ZNF208: variants seen among roughly 807,000 people sequenced by gnomAD.
The protein encoded by ZNF208 is zinc finger protein 95.
In ZNF208, 10 loss-of-function variants were observed where a neutral mutation model predicts 12.1. The observed-to-expected ratio is 0.83, with a 90% CI of 0.51 to 1.40. ZNF208 has a LOEUF of 1.40. Ranked by LOEUF, ZNF208 falls within the 40% of genes most tolerant of loss-of-function variation. ZNF208 has a pLI of 0.00. For missense variants in ZNF208, 1,652 were observed against 1,485.0 expected, an observed-to-expected ratio of 1.11 and a Z score of -1.85; for synonymous variants, 497 against 488.4, an observed-to-expected ratio of 1.02 and a Z score of -0.23.
chr19:21,949,046 C>A (rs1248666413), intron 4 of ZNF208, among the ~76,000 whole-genome samples: 1 of 152,134 alleles, frequency 6.6e-6, no homozygotes, highest in Admixed American at 6.5e-5. Context: ...AAATCAGAAA[C>A]CAGATAAAAA....
At chr19:21,939,849 A>G (rs1329805215) in intron 4 of ZNF208, 1 of 152,242 alleles carries the variant, frequency 6.6e-6, no homozygotes, top group Non-Finnish European at 1.5e-5. Context: ...CATTGCATCC[A>G]TGGTTTCAGC....
chr19:21,999,494 C>T (rs1970902687), intron 1 of ZNF208, among the ~76,000 whole-genome samples: 2 of 152,110 alleles, frequency 1.3e-5, no homozygotes, highest in Admixed American at 1.3e-4. Flanking sequence ...AGTATGTCAG[C>T]CAGCAAATAA....
At chr19:21,950,228 A>AT (rs898883889) in intron 4 of ZNF208, among the ~76,000 whole-genome samples, 2 of 151,980 alleles carry the variant, frequency 1.3e-5, no homozygotes, top group African/African-American at 2.4e-5. Flanking sequence ...CTGGAAGAGG[A>AT]TTTTTTCTCA....
At chr19:21,991,195 G>A (rs1970726774) in intron 1 of ZNF208, among the ~76,000 whole-genome samples, 1 of 152,066 alleles carries the variant, frequency 6.6e-6, no homozygotes, top group Non-Finnish European at 1.5e-5. Context: ...GTTTTCAAAG[G>A]GAATGCTTCC....
intron 4 of ZNF208, among the ~76,000 whole-genome samples, chr19:21,947,041 A>G (rs1387572330): frequency 1.3e-5 from 2 of 149,140 alleles, no homozygotes; most frequent in African/African-American, 5.0e-5. Flanking sequence ...GAATGTTTTT[A>G]CAGCCTATGG....
chr19:21,958,066 A>C (rs1239770075), intron 4 of ZNF208, among the ~76,000 whole-genome samples: 1 of 151,640 alleles, frequency 6.6e-6, no homozygotes, highest in Non-Finnish European at 1.5e-5. Flanking sequence ...ATTCCCACCT[A>C]TGAGTGAGAA....
intron 1 of ZNF208, among the ~76,000 whole-genome samples, chr19:22,003,122 T>C (rs112250971): frequency 1.5e-3 from 232 of 152,218 alleles, no homozygotes; most frequent in African/African-American, 5.4e-3. Flanking sequence ...TAAATGGTGC[T>C]AGAATAACTA....
At chr19:21,991,467 A>T (rs1384186099) in intron 1 of ZNF208, 1 of 152,222 alleles carries the variant, frequency 6.6e-6, no homozygotes, top group Non-Finnish European at 1.5e-5. Context: ...TGTGCCAGGC[A>T]TGGTGGCTTA....
chr19:21,956,605 G>A (rs1295123293), intron 4 of ZNF208, among the ~76,000 whole-genome samples: 1 of 152,222 alleles, frequency 6.6e-6, no homozygotes, highest in Non-Finnish European at 1.5e-5. Context: ...CTAGCAGTGA[G>A]TAAGGCTCCT....
chr19:21,984,732 A>C (rs1364763635), intron 3 of ZNF208, among the ~76,000 whole-genome samples: 2 of 152,192 alleles, frequency 1.3e-5, no homozygotes, highest in Admixed American at 6.6e-5. Flanking sequence ...GAAAAAATAG[A>C]AACTGCAACC....
chr19:21,983,329 G>A (rs1333005818), intron 3 of ZNF208, among the ~76,000 whole-genome samples: 1 of 150,972 alleles, frequency 6.6e-6, no homozygotes, highest in Non-Finnish European at 1.5e-5. Context: ...CAGTTAGAAC[G>A]GCGATCATTG....
At position 21,973,232 on chromosome 19, in the gene ZNF208, C is replaced by G. The variant is rs1274331979; in HGVS notation, c.1802G>C (p.Arg601Thr). Reference protein sequence around the residue: ...NQSAILIKHKRIHTGEKPYKC... With the variant: ...NQSAILIKHKTIHTGEKPYKC... ...GTAGGGTTTCTCACCAGTATGAATT[C>G]TCTTATGTTTAATAAGAATTGCAGA... The change falls in exon 4 of 4, where the codon AGA becomes ACA. Residue 601 changes from arginine to threonine, a missense_variant. By Grantham distance (71) the Arg-to-Thr change is moderately conservative. Around this residue, in one of 3 missense-constraint regions of ZNF208, gnomAD observed 1,239 missense variants for 1,086.2 expected, o/e 1.14. Transcript: ENST00000397126. 5.0e-6 allele frequency: 8 copies of G among 1,612,024 alleles called. No homozygotes were observed. Among genetic ancestry groups the G allele is most frequent in the Non-Finnish European group, 6.8e-6 (8 of 1,179,566 alleles).
rs763924394 is a variant in ZNF208 at position 21,972,800 on chromosome 19, C to A, written c.2234G>T (p.Gly745Val). 1 of 1,611,678 alleles carries A rather than the reference C, an allele frequency of 6.2e-7. No individual in the cohort carries two copies. The highest frequency in any genetic ancestry group is 2.2e-5 in the East Asian group (1 of 44,748). ...VLTKHKVIHT[G>V]EKPYKCEECG... ...TTCTTCACATTTGTAGGGTTTCTCT[C>A]CAGTATGAATTACCTTATGTTTAGT... Residue 745 changes from glycine (G) to valine (V), a missense_variant, in exon 4 of 4, where the codon GGA becomes GTA. By Grantham distance (109) the Gly-to-Val change is moderately radical (BLOSUM62 -3). Transcript: ENST00000397126.
chr19:21,941,103 C>A (rs1483950109), intron 4 of ZNF208: 2 of 356,458 alleles, frequency 5.6e-6, no homozygotes, highest in Non-Finnish European at 1.0e-5. Flanking sequence ...GTAAACCAGG[C>A]CTTGCTGACA....
chr19:21,950,238 A>G (rs1183906306), intron 4 of ZNF208, among the ~76,000 whole-genome samples: 1 of 152,122 alleles, frequency 6.6e-6, no homozygotes, highest in Non-Finnish European at 1.5e-5. Context: ...ATTTTTTCTC[A>G]CTTAACTAAA....
Position 21,973,837 on chromosome 19 carries a change from A to C in ZNF208, c.1197T>G (p.Cys399Trp), listed in dbSNP as rs766933320. The change falls in exon 4 of 4, where the codon TGT becomes TGG. Residue 399 changes from cysteine to tryptophan, a missense_variant. Physicochemically the swap from Cys to Trp is radical, Grantham distance 215. Transcript: ENST00000397126. ...TACTAAAACCTTTGCCACATTCTTC[A>C]CATTTGTAGGGTTTCTCTCCAGTAT... ...KIHTGEKPYK[C>W]EECGKGFSMF... 46 of 1,613,420 alleles carry C rather than the reference A, an allele frequency of 2.9e-5. No homozygotes were observed. The highest frequency in any genetic ancestry group is 3.5e-5 in the Non-Finnish European group (41 of 1,179,884).
intron 4 of ZNF208, among the ~76,000 whole-genome samples, chr19:21,946,001 C>G (rs1043466011): frequency 6.6e-6 from 1 of 152,096 alleles, no homozygotes; most frequent in African/African-American, 2.4e-5. Context: ...AACCTAAAGC[C>G]CATTTAGATA....
Position 21,955,758 on chromosome 19 carries a change from T to C in ZNF208, c.305+18971A>G, listed in dbSNP as rs114618168. ...TCTTTTTTCAAGGTTTTCAGCTTCA[T>C]TGAGATGGGTTCGAACATCCTCCTT... On this transcript the variant is annotated intron_variant, in intron 4 of 4. Coordinates refer to the ZNF208 transcript ENST00000599916. Among the ~76,000 whole-genome samples, 1,505 of 152,328 alleles carry C rather than the reference T, an allele frequency of 9.9e-3. 10 individuals are homozygous for C. The highest frequency in any genetic ancestry group is 0.013 in the African/African-American group (540 of 41,566).
intron 1 of ZNF208, among the ~76,000 whole-genome samples, chr19:21,995,567 T>A (rs1970819476): frequency 6.6e-6 from 1 of 152,174 alleles, no homozygotes; most frequent in East Asian, 1.9e-4. Context: ...GGTCCAATGA[T>A]AAGACAGGCA....
Sources: allele counts gnomAD v4.1 joint callset (sites outside exome capture counted in the v4.1 genomes callset), GRCh38; gene constraint gnomAD v4.1.1; regional missense constraint gnomAD v4.1.1; transcripts MANE v1.5; gene names NCBI Gene and HGNC (gene_info 2026-07-23, HGNC 2026-07-21).